The following MEOX2 variants were observed in gnomAD, a reference collection of about 807,000 sequenced individuals.
MEOX2 encodes mesenchyme homeobox 2.
MEOX2 carries 11 observed loss-of-function variants against 27.0 expected under a neutral mutation model. The observed-to-expected ratio is 0.41, with a 90% CI of 0.26 to 0.68. The LOEUF (loss-of-function observed/expected upper bound fraction) is 0.68, where lower values mean the gene tolerates loss of function less well. Among genes scored for constraint, MEOX2 ranks in the 30% least tolerant of loss-of-function variants. MEOX2 has a pLI of 0.33. For synonymous variants in MEOX2, 189 were observed against 155.4 expected, an observed-to-expected ratio of 1.22 and a Z score of -1.61; for missense variants, 436 against 385.4, an observed-to-expected ratio of 1.13 and a Z score of -1.10.
At chr7:15,619,764 G>A (rs577562539) in intron 2 of MEOX2, among the ~76,000 whole-genome samples, 3 of 151,906 alleles carry the variant, frequency 2.0e-5, no homozygotes, top group Admixed American at 6.6e-5. Context: ...TATTCTTAAG[G>A]CCAGTTCAAT....
At chr7:15,614,529 A>G (rs1285753295) in intron 2 of MEOX2, among the ~76,000 whole-genome samples, 1 of 152,112 alleles carries the variant, frequency 6.6e-6, no homozygotes, top group East Asian at 1.9e-4. Flanking sequence ...TGGATAACAC[A>G]TTGTCCCAGG....
At chr7:15,629,869 G>A (rs1781374554) in intron 1 of MEOX2, among the ~76,000 whole-genome samples, 1 of 152,094 alleles carries the variant, frequency 6.6e-6, no homozygotes, top group South Asian at 2.1e-4. Flanking sequence ...AAAATGGATG[G>A]AAGATTTGCA....
intron 1 of MEOX2, among the ~76,000 whole-genome samples, chr7:15,654,209 C>G (rs897419902): frequency 2.0e-5 from 3 of 151,818 alleles, no homozygotes; most frequent in Non-Finnish European, 4.4e-5. Flanking sequence ...GTGTTAATTG[C>G]CAGTTAACAG....
chr7:15,627,174 T>G (rs1781324812), intron 1 of MEOX2, among the ~76,000 whole-genome samples: 1 of 152,000 alleles, frequency 6.6e-6, no homozygotes, highest in Non-Finnish European at 1.5e-5. Flanking sequence ...TAACAAAACC[T>G]TTAACTGCTT....
intron 1 of MEOX2, among the ~76,000 whole-genome samples, chr7:15,670,416 G>T (rs1294742659): frequency 6.6e-6 from 1 of 152,034 alleles, no homozygotes; most frequent in Non-Finnish European, 1.5e-5. Flanking sequence ...TAATCTCTTT[G>T]TCCATTGAGG....
intron 1 of MEOX2, chr7:15,680,428 A>G (rs541023038): frequency 1.3e-5 from 2 of 152,122 alleles, no homozygotes; most frequent in South Asian, 2.1e-4. Flanking sequence ...GCTGAGCCCT[A>G]TATGTTCTTG....
At chr7:15,656,201 T>G (rs1274020582) in intron 1 of MEOX2, among the ~76,000 whole-genome samples, 1 of 151,816 alleles carries the variant, frequency 6.6e-6, no homozygotes, top group Non-Finnish European at 1.5e-5. Flanking sequence ...GGTAAATCCT[T>G]TTTTATTTTA....
At chr7:15,677,933 T>C (rs942244252) in intron 1 of MEOX2, among the ~76,000 whole-genome samples, 6 of 152,236 alleles carry the variant, frequency 3.9e-5, no homozygotes, top group Non-Finnish European at 7.3e-5. Context: ...CTGGGTATTC[T>C]AGAAAATAAA....
At chr7:15,631,056 C>T (rs557497247) in intron 1 of MEOX2, among the ~76,000 whole-genome samples, 5 of 152,004 alleles carry the variant, frequency 3.3e-5, no homozygotes, top group African/African-American at 9.6e-5. Flanking sequence ...AAAATTGGAT[C>T]GAGCACCACT....
chr7:15,640,584 G>T (rs1007185214), intron 1 of MEOX2, among the ~76,000 whole-genome samples: 1 of 151,990 alleles, frequency 6.6e-6, no homozygotes, highest in Admixed American at 6.6e-5. Flanking sequence ...TGGTGAGAGT[G>T]GGCATACTTT....
intron 2 of MEOX2, among the ~76,000 whole-genome samples, chr7:15,624,878 T>C (rs554951362): frequency 1.3e-5 from 2 of 152,332 alleles, no homozygotes; most frequent in African/African-American, 4.8e-5. Flanking sequence ...TATATAATTC[T>C]TGCATGTAAT....
At chr7:15,670,003 G>A in intron 1 of MEOX2, among the ~76,000 whole-genome samples, 1 of 152,168 alleles carries the variant, frequency 6.6e-6, no homozygotes, top group East Asian at 1.9e-4. Flanking sequence ...AAGAGGCCTG[G>A]AAGAATCTCC....
intron 1 of MEOX2, among the ~76,000 whole-genome samples, chr7:15,669,675 G>A (rs1000495738): frequency 1.9e-4 from 29 of 152,312 alleles, no homozygotes; most frequent in African/African-American, 6.7e-4. Flanking sequence ...ATAGACAAGA[G>A]ACTCCCTATA....
intron 1 of MEOX2, among the ~76,000 whole-genome samples, chr7:15,661,371 A>G (rs1359247982): frequency 2.6e-5 from 4 of 152,182 alleles, no homozygotes; most frequent in East Asian, 1.9e-4. Flanking sequence ...AAGTTTCTCA[A>G]TTTTCTTTAT....
At chr7:15,626,717 G>T (rs1236719344) in intron 2 of MEOX2, 29 bp downstream of exon 2, 5 of 1,558,176 alleles carry the variant, frequency 3.2e-6, no homozygotes, top group South Asian at 2.3e-5. Flanking sequence ...AATTAAAAAA[G>T]ATCATATAAT....
intron 1 of MEOX2, among the ~76,000 whole-genome samples, chr7:15,643,780 GCTC>G (rs1781599973): frequency 6.6e-6 from 1 of 152,138 alleles, no homozygotes; most frequent in Admixed American, 6.5e-5. Flanking sequence ...AACAATGGGG[GCTC>G]CTCCTGTAGT....
intron 1 of MEOX2, among the ~76,000 whole-genome samples, chr7:15,640,182 A>G (rs979236688): frequency 1.3e-5 from 2 of 151,580 alleles, no homozygotes; most frequent in Non-Finnish European, 2.9e-5. Flanking sequence ...TCCTTGTAGA[A>G]TTCTTTCACC....
intron 1 of MEOX2, among the ~76,000 whole-genome samples, chr7:15,633,241 T>C (rs924643592): frequency 1.1e-4 from 17 of 151,810 alleles, no homozygotes; most frequent in African/African-American, 1.9e-4. Context: ...GCAGAAGCAA[T>C]AGGCAAGATA....
intron 1 of MEOX2, among the ~76,000 whole-genome samples, chr7:15,678,147 T>A (rs1030909603): frequency 2.0e-5 from 3 of 152,166 alleles, no homozygotes; most frequent in Non-Finnish European, 1.5e-5. Flanking sequence ...TTCTGTCTAG[T>A]TTAATGCATC....
Sources: gnomAD v4.1 joint callset for allele counts (sites outside exome capture counted in the v4.1 genomes callset) on GRCh38, gnomAD v4.1.1 for gene constraint, MANE v1.5 for transcripts, NCBI Gene and HGNC (gene_info 2026-07-23, HGNC 2026-07-21) for gene names.